Variants in LYN observed in about 807,000 individuals in gnomAD.
LYN encodes tyrosine-protein kinase Lyn.
In LYN, 12 loss-of-function variants were observed where a neutral mutation model predicts 65.0. That is an observed-to-expected ratio of 0.18 (90% CI 0.12 to 0.30). The LOEUF (loss-of-function observed/expected upper bound fraction) is 0.30. LYN is among the 10% of genes least tolerant of loss of function. The probability of loss-of-function intolerance (pLI) is 1.00; values close to 1 mark genes in which losing one functional copy is unlikely to be tolerated. For synonymous variants in LYN, 222 were observed against 221.2 expected, an observed-to-expected ratio of 1.00 and a Z score of -0.03; for missense variants, 380 against 623.2, an observed-to-expected ratio of 0.61 and a Z score of 4.16.
rs1365669123 is a variant in LYN, at chr8:55,950,486, C to T, written c.312C>T (p.Ser104=). The T allele has an allele frequency of 6.2e-7, 1 of 1,612,702 alleles. No individual in the cohort carries two copies. The highest frequency in any genetic ancestry group is 1.3e-5 in the African/African-American group (1 of 74,762). The part of the protein sequence containing the change: ...EEHGEWWKAK[S]LLTKKEGFIP... The stretch of plus-strand genomic sequence containing the variant: ...ATGGAGAATGGTGGAAAGCAAAGTC[C>T]CTTTTAACAAAAAAAGAAGGCTTCA... Residue 104 remains serine (S), a synonymous_variant, in exon 5 of 13, where the codon TCC becomes TCT. Coordinates refer to ENST00000519728, the MANE Select transcript of LYN (RefSeq NM_002350.4).
Position 56,011,351 on chromosome 8 carries a change from AT to A in LYN, c.*1245del, listed in dbSNP as rs1181887396. 9.2e-6 allele frequency: 2 copies of A among 217,542 alleles called. No homozygotes were observed. The highest frequency in any genetic ancestry group is 4.5e-5 in the African/African-American group (2 of 44,446). 13.5% of individuals were successfully genotyped at this position (217,542 alleles called of 1,614,324 possible). On this transcript the variant is annotated 3_prime_UTR_variant, in exon 13 of 13. Coordinates refer to ENST00000519728, the MANE Select transcript of LYN (RefSeq NM_002350.4). The stretch of plus-strand genomic sequence containing the variant: ...TATATACCTAATATTTCTATTTTTG[AT>A]TTTATTTTAATACACCTCGTCCAAT...
At chr8:55,939,676 C>A (rs939421215) in intron 1 of LYN, among the ~76,000 whole-genome samples, 34 of 152,178 alleles carry the variant, frequency 2.2e-4, no homozygotes, top group South Asian at 2.1e-4. Context: ...CCGGAGCTCG[C>A]GGCGTGCGCA....
intron 1 of LYN, among the ~76,000 whole-genome samples, chr8:55,889,550 T>C (rs1585564410): frequency 6.6e-6 from 1 of 152,082 alleles, no homozygotes; most frequent in African/African-American, 2.4e-5. Context: ...TAGTGGGTGG[T>C]TTGGGGGAAT....
At chr8:55,969,819 G>A in intron 10 of LYN, 26 bp downstream of exon 10, 1 of 1,601,270 alleles carries the variant, frequency 6.2e-7, no homozygotes, top group Non-Finnish European at 8.6e-7. Context: ...AGCCCCGTGT[G>A]CACGTGCATT....
At chr8:55,945,135 A>T (rs914825996) in intron 2 of LYN, among the ~76,000 whole-genome samples, 1 of 152,236 alleles carries the variant, frequency 6.6e-6, no homozygotes, top group African/African-American at 2.4e-5. Context: ...TGCAAATTCA[A>T]CAACATTCTA....
intron 1 of LYN, among the ~76,000 whole-genome samples, chr8:55,885,744 G>A (rs1804773018): frequency 6.6e-6 from 1 of 152,212 alleles, no homozygotes; most frequent in South Asian, 2.1e-4. Context: ...TTTCCAGGGG[G>A]AAGCTGTGTC....
intron 8 of LYN, among the ~76,000 whole-genome samples, chr8:55,956,773 C>T (rs1275424902): frequency 6.6e-6 from 1 of 152,144 alleles, no homozygotes; most frequent in African/African-American, 2.4e-5. Context: ...CCGGCTTCTC[C>T]GTCTGTTCAC....
At chr8:55,929,234 G>A (rs1806193303) in intron 1 of LYN, among the ~76,000 whole-genome samples, 1 of 152,178 alleles carries the variant, frequency 6.6e-6, no homozygotes, top group South Asian at 2.1e-4. Context: ...CTCATGAGAA[G>A]CAGGGATCCG....
chr8:55,988,169 G>A (rs1188721735), intron 10 of LYN, among the ~76,000 whole-genome samples: 3 of 152,058 alleles, frequency 2.0e-5, no homozygotes, highest in African/African-American at 7.3e-5. Context: ...TAGTGTTGGG[G>A]AATCAATGAA....
chr8:55,950,310 G>C (rs1312012771), intron 4 of LYN, 149 bp from the exon 5 acceptor site: 3 of 565,178 alleles, frequency 5.3e-6, no homozygotes, highest in Non-Finnish European at 9.1e-6. Context: ...GGGTCCTGTG[G>C]TAAGTCTATG....
intron 8 of LYN, among the ~76,000 whole-genome samples, chr8:55,964,029 A>C (rs933612584): frequency 1.3e-5 from 2 of 152,192 alleles, no homozygotes; most frequent in African/African-American, 4.8e-5. Flanking sequence ...ATAACTCTTA[A>C]GATCTACAGA....
chr8:55,922,857 C>A (rs1357200112), intron 1 of LYN, among the ~76,000 whole-genome samples: 1 of 152,010 alleles, frequency 6.6e-6, no homozygotes, highest in Non-Finnish European at 1.5e-5. Context: ...AGCTGGGAGG[C>A]AACCTCAGCA....
At chr8:56,003,348 A>G (rs1011942651) in intron 12 of LYN, among the ~76,000 whole-genome samples, 5 of 151,956 alleles carry the variant, frequency 3.3e-5, no homozygotes, top group African/African-American at 1.2e-4. Context: ...GGCACGAGCC[A>G]CCTCACTCGA....
chr8:55,909,973 TTG>T (rs60104644), intron 1 of LYN, among the ~76,000 whole-genome samples: 2 of 145,856 alleles, frequency 1.4e-5, no homozygotes, highest in African/African-American at 2.5e-5. Context: ...ATGGGGTTGT[TTG>T]TGTGTGTGTG....
intron 1 of LYN, among the ~76,000 whole-genome samples, chr8:55,932,566 A>G (rs1806302107): frequency 6.6e-6 from 1 of 152,030 alleles, no homozygotes; most frequent in Non-Finnish European, 1.5e-5. Flanking sequence ...GATCACAAGC[A>G]TGCACCACCA....
chr8:56,003,597 C>G (rs1808591434), intron 12 of LYN, among the ~76,000 whole-genome samples: 1 of 151,772 alleles, frequency 6.6e-6, no homozygotes, highest in Admixed American at 6.6e-5. Flanking sequence ...AATGCTTGAA[C>G]CCAGGAGACA....
intron 10 of LYN, among the ~76,000 whole-genome samples, chr8:55,976,723 C>A (rs1585658337): frequency 6.6e-6 from 1 of 152,096 alleles, no homozygotes. Context: ...AGGAGGTCAC[C>A]CTGAGAGCCA....
chr8:55,893,257 G>T (rs1176475227), intron 1 of LYN, among the ~76,000 whole-genome samples: 1 of 152,092 alleles, frequency 6.6e-6, no homozygotes, highest in Non-Finnish European at 1.5e-5. Flanking sequence ...AAATTAGCTG[G>T]CATAAGCTAT....
chr8:56,006,412 G>A (rs1302584617), intron 12 of LYN, among the ~76,000 whole-genome samples: 4 of 152,156 alleles, frequency 2.6e-5, no homozygotes. Flanking sequence ...TACACACAAA[G>A]GGCCCTGTGT....
Sources: allele counts gnomAD v4.1 joint callset (sites outside exome capture counted in the v4.1 genomes callset), GRCh38; gene constraint gnomAD v4.1.1; transcripts MANE v1.5; gene names NCBI Gene and HGNC (gene_info 2026-07-23, HGNC 2026-07-21).